The following GLI2 variants were observed in gnomAD, a reference collection of about 807,000 sequenced individuals.
The protein encoded by GLI2 is GLI family zinc finger 2, also known as transcription activator GLI2.
GLI2 carries 22 observed loss-of-function variants against 78.9 expected under a neutral mutation model. The observed-to-expected ratio is 0.28, with a 90% CI of 0.20 to 0.40. GLI2 has a LOEUF of 0.40. Among genes scored for constraint, GLI2 ranks in the 10% least tolerant of loss-of-function variants. GLI2 has a pLI of 1.00. For synonymous variants in GLI2, 974 were observed against 963.7 expected (o/e 1.01, Z -0.20); for missense variants, 2,097 against 2,213.2 (o/e 0.95, Z 1.05).
At chr2:120,787,240 G>A (rs1295572163) in intron 1 of GLI2, among the ~76,000 whole-genome samples, 2 of 152,216 alleles carry the variant, frequency 1.3e-5, no homozygotes, top group East Asian at 3.9e-4. Flanking sequence ...GACTGCGGTG[G>A]AATGGGGGTG....
chr2:120,807,430 T>C (rs1685013161), intron 2 of GLI2, among the ~76,000 whole-genome samples: 1 of 152,226 alleles, frequency 6.6e-6, no homozygotes, highest in South Asian at 2.1e-4. Context: ...GTTAGTATTA[T>C]GGTTCTTGCT....
intron 1 of GLI2, among the ~76,000 whole-genome samples, chr2:120,750,648 C>G (rs1339986476): frequency 2.0e-5 from 3 of 152,260 alleles, no homozygotes; most frequent in Non-Finnish European, 4.4e-5. Context: ...TCTACTGACT[C>G]ATTTGGGCTC....
rs187958115 is a variant in GLI2 at position 120,961,419 on chromosome 2, A to C, written c.643+5989A>C. Among the ~76,000 whole-genome samples the C allele has an allele frequency of 1.4e-3, 213 of 152,240 alleles. 2 individuals carry two copies. Among genetic ancestry groups the C allele is most frequent in the African/African-American group, 4.9e-3 (203 of 41,544 alleles). On this transcript the variant is annotated intron_variant, in intron 5 of 13. Transcript: ENST00000361492. ...AAGCCACATTGCAGGTCCCTGCGTGAGATGGTGGAGCTGCTGTGTACAGGC... is the reference window on the plus strand; with the variant it reads ...AAGCCACATTGCAGGTCCCTGCGTGCGATGGTGGAGCTGCTGTGTACAGGC...
chr2:120,955,135 G>A, intron 4 of GLI2, 110 bp from the exon 5 acceptor site: 2 of 743,250 alleles, frequency 2.7e-6, no homozygotes, highest in East Asian at 2.7e-5. Context: ...CCGACACCAG[G>A]TGTGCATTTC....
At chr2:120,935,729 A>G (rs980366357) in intron 3 of GLI2, among the ~76,000 whole-genome samples, 12 of 152,272 alleles carry the variant, frequency 7.9e-5, no homozygotes, top group African/African-American at 2.9e-4. Flanking sequence ...CCTTGCTAAA[A>G]TCTTCCCCAG....
chr2:120,835,461 G>GTGCA (rs904902939), intron 2 of GLI2, among the ~76,000 whole-genome samples: 11 of 150,048 alleles, frequency 7.3e-5, no homozygotes, highest in Non-Finnish European at 1.5e-4. Flanking sequence ...TTTCGGCTCA[G>GTGCA]TGCAACCCCC....
At chr2:120,944,700 C>T (rs1573647138) in intron 3 of GLI2, among the ~76,000 whole-genome samples, 2 of 152,224 alleles carry the variant, frequency 1.3e-5, no homozygotes, top group Non-Finnish European at 2.9e-5. Context: ...GAGAGGCTGG[C>T]CTTCTACTCC....
At chr2:120,939,071 C>A (rs1436748677) in intron 3 of GLI2, among the ~76,000 whole-genome samples, 1 of 152,180 alleles carries the variant, frequency 6.6e-6, no homozygotes. Flanking sequence ...CACCTGAGGT[C>A]GGAAGTTCGA....
rs1382953991 is a variant in GLI2, at chr2:120,988,537, G to A, written c.2572G>A (p.Gly858Ser). The part of the protein sequence containing the change: ...RSSEASQCSG[G>S]SGLLNLTPAQ... The stretch of plus-strand genomic sequence containing the variant: ...GAGCGAGGCCAGCCAGTGCAGCGGC[G>A]GCTCCGGGCTGCTCAACCTCACGCC... Residue 858 changes from glycine to serine, a missense_variant, in exon 14 of 14, where the codon GGC becomes AGC. Gly to Ser is a moderately conservative substitution (Grantham distance 56). Coordinates refer to ENST00000361492, the MANE Select transcript of GLI2 (RefSeq NM_001374353.1). 2.0e-6 allele frequency: 3 copies of A among 1,503,716 alleles called. No individual in the cohort carries two copies. The highest frequency in any genetic ancestry group is 2.7e-5 in the East Asian group (1 of 36,678). 93.1% of individuals were successfully genotyped at this position (1,503,716 alleles called of 1,614,324 possible). A position where few individuals can be genotyped will look rare whatever the true frequency, so the allele number is the denominator to read the frequency against.
chr2:120,819,053 C>T (rs565168060), intron 2 of GLI2, among the ~76,000 whole-genome samples: 46 of 152,278 alleles, frequency 3.0e-4, no homozygotes, highest in South Asian at 1.2e-3. Flanking sequence ...ATCATACACT[C>T]TTAGTGCAAA....
rs1282975642 is a variant in GLI2, at chr2:120,859,755, T to A, written c.148+62287T>A. Among the ~76,000 whole-genome samples the A allele has an allele frequency of 5.0e-5, 7 of 139,740 alleles. No homozygotes were observed. The East Asian group carries it at 1.4e-3, about 29-fold the overall frequency. The allele number at this position is 139,740 out of a possible 152,430, so 91.7% of individuals were successfully genotyped here. ...CAGGCGTGAGCCATCGGGCCCGGCCTTTTTTTTTTTTTTCTTTTGAGATGG... is the reference window on the plus strand; with the variant it reads ...CAGGCGTGAGCCATCGGGCCCGGCCATTTTTTTTTTTTTCTTTTGAGATGG... On this transcript the variant is annotated intron_variant, in intron 2 of 13. Transcript: ENST00000361492.
chr2:120,831,037 C>T (rs1366704165), intron 2 of GLI2, among the ~76,000 whole-genome samples: 5 of 149,710 alleles, frequency 3.3e-5, no homozygotes, highest in Non-Finnish European at 7.4e-5. Context: ...TTCTTTTTCC[C>T]TCATTTGGTC....
At chr2:120,931,521 G>A (rs1679942917) in intron 3 of GLI2, among the ~76,000 whole-genome samples, 1 of 152,228 alleles carries the variant, frequency 6.6e-6, no homozygotes, top group Non-Finnish European at 1.5e-5. Flanking sequence ...GGATGTTCTT[G>A]GGGGCTGTTA....
chr2:120,922,322 C>T (rs577213273), intron 2 of GLI2, among the ~76,000 whole-genome samples: 1 of 152,318 alleles, frequency 6.6e-6, no homozygotes, highest in East Asian at 1.9e-4. Flanking sequence ...CCTGGTCTTA[C>T]TCCTTGCAAC....
chr2:120,836,257 G>A (rs1053711329), intron 2 of GLI2, among the ~76,000 whole-genome samples: 8 of 152,030 alleles, frequency 5.3e-5, no homozygotes, highest in South Asian at 2.1e-4. Flanking sequence ...ATATTTCCCC[G>A]TTTTTACTTT....
In GLI2 at chr2:120,937,820, C is replaced by T. The variant is rs1024114086; in HGVS notation, c.254+10354C>T. 2.6e-5 allele frequency among the ~76,000 whole-genome samples: 4 copies of T among 152,216 alleles called. No individual in the cohort carries two copies. In the East Asian group the frequency reaches 7.7e-4, roughly 29 times the overall value. On this transcript the variant is annotated intron_variant, in intron 3 of 13. Coordinates refer to ENST00000361492, the MANE Select transcript of GLI2 (RefSeq NM_001374353.1). ...GACAGGCATCCAGGAAAGGAAATTC[C>T]ACACACCACTTTGGCAGGCTGGGCC... is the stretch of plus-strand genomic sequence containing the variant.
At chr2:120,889,973 A>G (rs1677599853) in intron 2 of GLI2, among the ~76,000 whole-genome samples, 2 of 152,176 alleles carry the variant, frequency 1.3e-5, no homozygotes, top group South Asian at 4.1e-4. Flanking sequence ...TATTCCAGAG[A>G]AGTGAAAATT....
rs184541175 is a variant in GLI2, at chr2:120,910,006, G to A, written c.149-17355G>A. On this transcript the variant is annotated intron_variant, in intron 2 of 13. Coordinates refer to ENST00000361492, the MANE Select transcript of GLI2 (RefSeq NM_001374353.1). ...CTGAAGCCATAGCTACAGCTCCTCC[G>A]TGTAGGCCCAGCTGGGGGTGGAGTG... is the stretch of plus-strand genomic sequence containing the variant. Among the ~76,000 whole-genome samples the A allele has an allele frequency of 3.7e-3, 565 of 152,306 alleles. 16 individuals are homozygous for A. Among genetic ancestry groups the A allele is most frequent in the Admixed American group, 0.034 (527 of 15,304 alleles).
intron 1 of GLI2, among the ~76,000 whole-genome samples, chr2:120,768,524 G>A (rs1348869081): frequency 6.6e-6 from 1 of 152,238 alleles, no homozygotes; most frequent in Non-Finnish European, 1.5e-5. Flanking sequence ...TCTACAGAGT[G>A]ACTTGTTGCA....
Sources: allele counts gnomAD v4.1 joint callset (sites outside exome capture counted in the v4.1 genomes callset), GRCh38; gene constraint gnomAD v4.1.1; transcripts MANE v1.5; gene names NCBI Gene and HGNC (gene_info 2026-07-23, HGNC 2026-07-21).